Variants in FARS2 observed in about 807,000 individuals in gnomAD.
The protein encoded by FARS2 is phenylalanyl-tRNA synthetase 2, mitochondrial.
Under a neutral mutation model 46.4 loss-of-function variants are expected in FARS2, and 40 were observed. That is an observed-to-expected ratio of 0.86 (90% confidence interval 0.67 to 1.12). The LOEUF (loss-of-function observed/expected upper bound fraction) is 1.12. FARS2 is among the 50% of genes most tolerant of loss of function. The pLI is 0.00. For synonymous variants in FARS2, 234 were observed against 214.9 expected (o/e 1.09, Z -0.78); for missense variants, 513 against 567.9 (o/e 0.90, Z 0.98).
intron 4 of FARS2, among the ~76,000 whole-genome samples, chr6:5,478,273 G>T (rs1766244444): frequency 6.6e-6 from 1 of 152,152 alleles, no homozygotes; most frequent in Non-Finnish European, 1.5e-5. Context: ...CTGTCTATTG[G>T]TAGCTTTTTC....
chr6:5,537,429 C>T (rs954980306), intron 4 of FARS2, among the ~76,000 whole-genome samples: 1 of 151,336 alleles, frequency 6.6e-6, no homozygotes, highest in Non-Finnish European at 1.5e-5. Context: ...TCCCAGGCCT[C>T]CTCTCGAGTT....
At chr6:5,530,709 T>C (rs1362274358) in intron 4 of FARS2, among the ~76,000 whole-genome samples, 1 of 147,386 alleles carries the variant, frequency 6.8e-6, no homozygotes, top group Non-Finnish European at 1.5e-5. Context: ...TAACAATATC[T>C]ATATAGCTAT....
At chr6:5,318,706 G>C (rs1469912867) in intron 1 of FARS2, among the ~76,000 whole-genome samples, 1 of 152,170 alleles carries the variant, frequency 6.6e-6, no homozygotes, top group Non-Finnish European at 1.5e-5. Flanking sequence ...ATACTCTCTA[G>C]AGCTTTCCCC....
In FARS2 at chr6:5,638,671, C is replaced by A. The variant is rs79472109; in HGVS notation, c.1217+25351C>A. Reference sequence around the variant, plus strand: ...GCTGCCTTGCTAGCATTCCAGGAAGCCTGTTCCCATCCCCCCGGCTGTGGC... The same window carrying A: ...GCTGCCTTGCTAGCATTCCAGGAAGACTGTTCCCATCCCCCCGGCTGTGGC... On this transcript the variant is annotated intron_variant, in intron 6 of 6. Coordinates refer to ENST00000274680, the MANE Select transcript of FARS2 (RefSeq NM_006567.5). Among the ~76,000 whole-genome samples the A allele has an allele frequency of 5.2e-4, 79 of 152,348 alleles. 1 individual carries two copies. Among genetic ancestry groups the A allele is most frequent in the African/African-American group, 1.8e-3 (75 of 41,564 alleles).
intron 6 of FARS2, among the ~76,000 whole-genome samples, chr6:5,753,841 A>G (rs568472235): frequency 1.3e-5 from 2 of 152,318 alleles, no homozygotes; most frequent in Admixed American, 6.5e-5. Context: ...GTCCAGCACC[A>G]TGGTGGTGCT....
Position 5,758,329 on chromosome 6 carries a change from A to T in FARS2, c.1218-12962A>T, listed in dbSNP as rs374169226. Among the ~76,000 whole-genome samples, 105 of 152,316 alleles carry T rather than the reference A, an allele frequency of 6.9e-4. 4 individuals carry two copies. In the South Asian group the frequency reaches 0.021, roughly 31 times the overall value. On this transcript the variant is annotated intron_variant, in intron 6 of 6. Transcript: ENST00000274680. Reference sequence around the variant, plus strand: ...ATCAATTAGATTACTTTTTCTCACCAATTTTGGCTCTAAATGTTGCCGGGC... The same window carrying T: ...ATCAATTAGATTACTTTTTCTCACCTATTTTGGCTCTAAATGTTGCCGGGC...
chr6:5,609,862 T>C, intron 5 of FARS2: 1 of 1,016,832 alleles, frequency 9.8e-7, no homozygotes, highest in Non-Finnish European at 1.5e-6. Context: ...TTCAGTGTCT[T>C]TAATGCCACC....
chr6:5,712,824 T>C (rs979555174), intron 6 of FARS2, among the ~76,000 whole-genome samples: 15 of 152,204 alleles, frequency 9.9e-5, no homozygotes, highest in African/African-American at 3.6e-4. Flanking sequence ...GTAGCTGCTG[T>C]GGTCACACAG....
intron 5 of FARS2, among the ~76,000 whole-genome samples, chr6:5,556,345 C>T (rs111867856): frequency 1.1e-3 from 169 of 152,148 alleles, no homozygotes; most frequent in Non-Finnish European, 2.1e-3. Flanking sequence ...GCGCATTCAA[C>T]GAACTTAACT....
At chr6:5,555,588 A>C (rs1771611224) in intron 5 of FARS2, among the ~76,000 whole-genome samples, 1 of 152,164 alleles carries the variant, frequency 6.6e-6, no homozygotes, top group Non-Finnish European at 1.5e-5. Flanking sequence ...TAGAGACTTA[A>C]TGTGGGATTT....
chr6:5,713,748 A>G (rs896889819), intron 6 of FARS2, among the ~76,000 whole-genome samples: 1 of 152,224 alleles, frequency 6.6e-6, no homozygotes, highest in African/African-American at 2.4e-5. Context: ...TGCACAGGCC[A>G]TTGTTGCAGA....
chr6:5,729,500 C>T (rs1760488172), intron 6 of FARS2, among the ~76,000 whole-genome samples: 2 of 152,178 alleles, frequency 1.3e-5, no homozygotes, highest in African/African-American at 4.8e-5. Context: ...GGCTAGGGAG[C>T]TTGTCCAGAA....
intron 1 of FARS2, among the ~76,000 whole-genome samples, chr6:5,335,874 A>G (rs1484781535): frequency 2.6e-5 from 4 of 152,240 alleles, no homozygotes; most frequent in Non-Finnish European, 1.5e-5. Context: ...CGATATGTGT[A>G]GTAGATAGTG....
intron 2 of FARS2, among the ~76,000 whole-genome samples, chr6:5,381,370 A>AATACACACACAC (rs368344271): frequency 7.5e-6 from 1 of 132,900 alleles, no homozygotes; most frequent in Admixed American, 7.2e-5. Flanking sequence ...ACTCCCCAGA[A>AATACACACACAC]ACACACACAC....
intron 1 of FARS2, among the ~76,000 whole-genome samples, chr6:5,288,436 T>C (rs544796469): frequency 4.6e-5 from 7 of 152,316 alleles, no homozygotes; most frequent in Admixed American, 1.3e-4. Flanking sequence ...GGATCATCAC[T>C]TCTTTCTGGA....
chr6:5,405,115 A>G (rs1028736723), intron 3 of FARS2, among the ~76,000 whole-genome samples: 1 of 152,120 alleles, frequency 6.6e-6, no homozygotes, highest in Non-Finnish European at 1.5e-5. Flanking sequence ...TTGCATATAC[A>G]TAATGAGATG....
chr6:5,600,823 A>G (rs1561743133), intron 5 of FARS2, among the ~76,000 whole-genome samples: 1 of 152,232 alleles, frequency 6.6e-6, no homozygotes, highest in Non-Finnish European at 1.5e-5. Context: ...ATAATTGTTA[A>G]TTAGGCTGAA....
intron 1 of FARS2, among the ~76,000 whole-genome samples, chr6:5,264,495 CTTT>C (rs776344380): frequency 4.3e-5 from 6 of 139,054 alleles, no homozygotes; most frequent in Non-Finnish European, 6.3e-5. Context: ...TTTCTTTTTT[CTTT>C]TTTTTTTTTT....
intron 5 of FARS2, among the ~76,000 whole-genome samples, chr6:5,561,366 G>C (rs1054602415): frequency 1.3e-5 from 2 of 151,994 alleles, no homozygotes; most frequent in Non-Finnish European, 2.9e-5. Context: ...GGGGTTATGA[G>C]TGGTACATTC....
Sources: allele counts gnomAD v4.1 joint callset (sites outside exome capture counted in the v4.1 genomes callset), GRCh38; gene constraint gnomAD v4.1.1; transcripts MANE v1.5; gene names NCBI Gene and HGNC (gene_info 2026-07-23, HGNC 2026-07-21).